Variants in NEB observed in about 807,000 individuals in gnomAD.
The protein encoded by NEB is nemaline myopathy type 2.
A neutral mutation model predicts 952.2 loss-of-function variants in NEB; 512 were observed. The ratio of observed to expected loss-of-function variants is 0.54; its 90% CI spans 0.50 to 0.58. The LOEUF (loss-of-function observed/expected upper bound fraction) is 0.58. Among genes scored for constraint, NEB ranks in the 20% least tolerant of loss-of-function variants. The pLI is 0.00. For missense variants in NEB, 8,428 were observed against 9,231.1 expected, an observed-to-expected ratio of 0.91 and a Z score of 3.56; for synonymous variants, 2,900 against 3,149.8, an observed-to-expected ratio of 0.92 and a Z score of 2.66.
intron 80 of NEB, 56 bp from the exon 81 acceptor site, chr2:151,610,176 C>T (rs1213827465): frequency 7.9e-6 from 11 of 1,400,412 alleles, no homozygotes; most frequent in Non-Finnish European, 1.1e-5. Flanking sequence ...TGCTCATGTG[C>T]TGACAATTAC....
At chr2:151,514,196 T>C in intron 159 of NEB, 122 bp downstream of exon 159, 1 of 694,468 alleles carries the variant, frequency 1.4e-6, no homozygotes, top group Non-Finnish European at 2.5e-6. Context: ...ATATGGAATC[T>C]GAAAATGAAA....
intron 69 of NEB, 43 bp from the exon 70 acceptor site, chr2:151,627,248 T>G: frequency 6.4e-7 from 1 of 1,570,500 alleles, no homozygotes; most frequent in Non-Finnish European, 8.6e-7. Context: ...TGAAGTTGTT[T>G]TAACATGATT....
chr2:151,503,696 TAATA>T (rs1176549124), intron 165 of NEB, among the ~76,000 whole-genome samples: 3 of 152,176 alleles, frequency 2.0e-5, no homozygotes, highest in South Asian at 2.1e-4. Flanking sequence ...TAAAATGCAT[TAATA>T]AATAAATTTA....
chr2:151,670,429 A>ACAGACGTGTCTCAGAATGAGACATG (rs2099271390), intron 38 of NEB, among the ~76,000 whole-genome samples: 1 of 105,318 alleles, frequency 9.5e-6, no homozygotes, highest in African/African-American at 4.8e-5. Context: ...AAGAGTCCAT[A>ACAGACGTGTCTCAGAATGAGACATG]CAGACGTGTC....
intron 13 of NEB, among the ~76,000 whole-genome samples, chr2:151,703,229 G>A (rs980291752): frequency 8.5e-6 from 1 of 117,220 alleles, no homozygotes; most frequent in African/African-American, 3.2e-5. Context: ...TGAGAGATCT[G>A]CTGTTAGTCT....
At position 151,727,889 on chromosome 2, in the gene NEB, A is replaced by G. The variant is rs1290845455; in HGVS notation, c.96T>C (p.Tyr32=). The change falls in exon 5 of 182, where the codon TAT becomes TAC. Residue 32 remains tyrosine (Y), a synonymous_variant. Coordinates refer to ENST00000397345, the MANE Select transcript of NEB (RefSeq NM_001164508.2). ...CAGATGTCCTTGTTGTCGTAGTCTC[A>G]TAAATTTTTGTTATTGTCTGAAAAT... ...EVPGETITKI[Y]ETTTTRTSDY... is the part of the protein sequence containing the mutation. The G allele has an allele frequency of 6.2e-7, 1 of 1,613,182 alleles. No individual in the cohort carries two copies. The highest frequency in any genetic ancestry group is 1.7e-5 in the Admixed American group (1 of 59,890).
At chr2:151,708,984 C>T (rs1577227764) in intron 12 of NEB, among the ~76,000 whole-genome samples, 1 of 152,200 alleles carries the variant, frequency 6.6e-6, no homozygotes, top group East Asian at 1.9e-4. Flanking sequence ...GTGATGTAAT[C>T]CTGCTTTCTC....
Position 151,572,583 on chromosome 2 carries a change from T to C in NEB, c.17014-1982A>G, listed in dbSNP as rs555253918. 1.9e-3 allele frequency among the ~76,000 whole-genome samples: 279 copies of C among 147,082 alleles called. 1 individual carries two copies. The highest frequency in any genetic ancestry group is 2.8e-3 in the Non-Finnish European group (186 of 66,982). ...TTTTTTTTGACAGAGTCTCGCTCTG[T>C]CACCCAAGCTGGAGTGAAGTGGCAC... On this transcript the variant is annotated intron_variant, in intron 107 of 181. Coordinates refer to ENST00000397345, the MANE Select transcript of NEB (RefSeq NM_001164508.2).
In NEB at chr2:151,723,150, G is replaced by T. The variant is rs144601709; in HGVS notation, c.717+232C>A. ...CTAACTAATGTGACCCCAGATTCAG[G>T]TTTGCCACCTATAAGAAGAGGGAAC... On this transcript the variant is annotated intron_variant, in intron 9 of 181. Transcript: ENST00000397345. Among the ~76,000 whole-genome samples the T allele has an allele frequency of 3.7e-3, 559 of 152,244 alleles. 1 individual carries two copies. Among genetic ancestry groups the T allele is most frequent in the Admixed American group, 6.3e-3 (96 of 15,292 alleles).
In NEB at chr2:151,696,734, T is replaced by C; in HGVS notation, c.1472A>G (p.His491Arg). ...AIKKLDQCKD[H>R]TYKVHPDKTK... ...CTTATCTGGATGGACTTTGTAGGTG[T>C]GCTGTGGGGAAGCAAAGGCATTTGG... is the stretch of plus-strand genomic sequence containing the variant. Residue 491 changes from histidine to arginine, a missense_variant and splice_region_variant, in exon 17 of 182, where the codon CAC becomes CGC. Physicochemically the swap from His to Arg is conservative, Grantham distance 29. Transcript: ENST00000397345. 3.7e-6 allele frequency: 6 copies of C among 1,613,244 alleles called. No homozygotes were observed. Among genetic ancestry groups the C allele is most frequent in the Non-Finnish European group, 5.1e-6 (6 of 1,179,274 alleles).
chr2:151,643,854 G>C lies in NEB; in HGVS notation c.7920C>G (p.Val2640=), dbSNP rs1370462705. 6.2e-7 allele frequency: 1 copy of C among 1,613,842 alleles called. No homozygotes were observed. Among genetic ancestry groups the C allele is most frequent in the Non-Finnish European group, 8.5e-7 (1 of 1,179,830 alleles). Residue 2640 remains valine, a synonymous_variant, in exon 57 of 182, where the codon GTC becomes GTG. Coordinates refer to ENST00000397345, the MANE Select transcript of NEB (RefSeq NM_001164508.2). The part of the protein sequence containing the change: ...QWTCLPDQSD[V]IHARQAYDLQ... Reference sequence around the variant, plus strand: ...GGTCATAGGCCTGCCGAGCATGGATGACATCGCTCTGGTCGGGCAGGCATG... The same window carrying C: ...GGTCATAGGCCTGCCGAGCATGGATCACATCGCTCTGGTCGGGCAGGCATG...
chr2:151,505,604 A>G, intron 164 of NEB, 34 bp from the exon 165 acceptor site: 1 of 1,516,676 alleles, frequency 6.6e-7, no homozygotes, highest in Non-Finnish European at 9.2e-7. Context: ...GAAAGGTATT[A>G]TTACATGCTG....
At chr2:151,570,437 T>C in intron 108 of NEB, 45 bp from the exon 109 acceptor site, 2 of 1,584,818 alleles carry the variant, frequency 1.3e-6, no homozygotes, top group East Asian at 2.2e-5. Flanking sequence ...CATGTCCTCT[T>C]GATGCACCTA....
At chr2:151,734,303 T>A (rs1479163830) in intron 1 of NEB, 95 bp downstream of exon 1, 1 of 152,198 alleles carries the variant, frequency 6.6e-6, no homozygotes, top group Non-Finnish European at 1.5e-5. Context: ...ACTAATTTCC[T>A]CAGTTATGGC....
Position 151,688,274 on chromosome 2 carries a change from T to C in NEB, c.2415+18A>G, listed in dbSNP as rs1389843954. ...TTCATGTACACCAAACATAGGCTTC[T>C]GTGGCTTTGGTACTTACATCACTCA... On this transcript the variant is annotated intron_variant, in intron 25 of 181. Coordinates refer to ENST00000397345, the MANE Select transcript of NEB (RefSeq NM_001164508.2). 2.6e-6 allele frequency: 4 copies of C among 1,551,350 alleles called. No individual in the cohort carries two copies. Among genetic ancestry groups the C allele is most frequent in the East Asian group, 2.2e-5 (1 of 44,530 alleles).
Position 151,627,559 on chromosome 2 carries a change from G to A in NEB, c.10107C>T (p.Val3369=). The change falls in exon 69 of 182, where the codon GTC becomes GTT. Residue 3369 remains valine, a synonymous_variant. Coordinates refer to ENST00000397345, the MANE Select transcript of NEB (RefSeq NM_001164508.2). The stretch of plus-strand genomic sequence containing the variant: ...GGTCATAGGCCTGCCGAGCATGGAT[G>A]ACATCATTCTGGTCGGGCAGGCACG... ...EWTCLPDQND[V]IHARQAYDLQ... is the part of the protein sequence containing the mutation. 1 of 1,614,012 alleles carries A rather than the reference G, an allele frequency of 6.2e-7. No individual in the cohort carries two copies. The highest frequency in any genetic ancestry group is 1.3e-5 in the African/African-American group (1 of 75,058).
Position 151,688,337 on chromosome 2 carries a change from A to G in NEB, c.2370T>C (p.Ala790=). 1 of 1,613,892 alleles carries G rather than the reference A, an allele frequency of 6.2e-7. No individual in the cohort carries two copies. The highest frequency in any genetic ancestry group is 8.5e-7 in the Non-Finnish European group (1 of 1,179,842). ...TGACTCTGTGTTGGATAAACTGTGGAGCATCTGCTGGTATATGGCACTTGA... is the reference window on the plus strand; with the variant it reads ...TGACTCTGTGTTGGATAAACTGTGGGGCATCTGCTGGTATATGGCACTTGA... ...EKFKCHIPAD[A]PQFIQHRVNA... is the part of the protein sequence containing the mutation. Residue 790 remains alanine (A), a synonymous_variant, in exon 25 of 182, where the codon GCT becomes GCC. Coordinates refer to ENST00000397345, the MANE Select transcript of NEB (RefSeq NM_001164508.2).
chr2:151,531,609 G>A (rs1039754769), intron 144 of NEB, among the ~76,000 whole-genome samples, 183 bp downstream of exon 144: 1 of 152,098 alleles, frequency 6.6e-6, no homozygotes, highest in Non-Finnish European at 1.5e-5. Context: ...AAGCCACCAC[G>A]CCCGGCCACA....
rs889423543 is a variant in NEB, at chr2:151,677,939, G to A, written c.3504C>T (p.Tyr1168=). 3 of 1,613,836 alleles carry A rather than the reference G, an allele frequency of 1.9e-6. No homozygotes were observed. In the African/African-American group the frequency reaches 4.0e-5, roughly 22 times the overall value. Residue 1168 remains tyrosine, a synonymous_variant, in exon 33 of 182, where the codon TAC becomes TAT. Transcript: ENST00000397345. ...GGTCCATGGCGTCAGGCAAGTAGGT[G>A]TAATGATGGAGAGAATGCTTATAGT... The part of the protein sequence containing the change: ...NVNYKHSLHH[Y]TYLPDAMDLE...
Sources: gnomAD v4.1 joint callset for allele counts (sites outside exome capture counted in the v4.1 genomes callset) on GRCh38, gnomAD v4.1.1 for gene constraint, MANE v1.5 for transcripts, NCBI Gene and HGNC (gene_info 2026-07-23, HGNC 2026-07-21) for gene names.